NFKB1: variants seen among roughly 807,000 people sequenced by gnomAD.
NFKB1 encodes the protein nuclear factor kappa B subunit 1, also known as nuclear factor NF-kappa-B p105 subunit.
In NFKB1, 9 loss-of-function variants were observed where a neutral mutation model predicts 105.1. That is an observed-to-expected ratio of 0.09 (90% confidence interval 0.05 to 0.15). The LOEUF is 0.15. Among genes scored for constraint, NFKB1 ranks in the 10% least tolerant of loss-of-function variants. The pLI is 1.00. For missense variants in NFKB1, 830 were observed against 1,203.7 expected, an observed-to-expected ratio of 0.69 and a Z score of 4.59; for synonymous variants, 440 against 442.2, an observed-to-expected ratio of 1.00 and a Z score of 0.06.
chr4:102,609,655 C>T (rs901429450), intron 19 of NFKB1, among the ~76,000 whole-genome samples: 1 of 146,298 alleles, frequency 6.8e-6, no homozygotes, highest in African/African-American at 2.5e-5. Context: ...AGAGATAGCT[C>T]ATCCCTCCAC....
chr4:102,607,518 C>T lies in NFKB1; in HGVS notation c.2125-131C>T, dbSNP rs866577724. On this transcript the variant is annotated intron_variant, in intron 18 of 23. Coordinates refer to ENST00000226574, the MANE Select transcript of NFKB1 (RefSeq NM_003998.4). ...TGGCATCTCTAACTGGGGATTTCTT[C>T]AATGACAGAGCCAGCCCAAAGTAGC... 15 of 1,162,250 alleles carry T rather than the reference C, an allele frequency of 1.3e-5. No homozygotes were observed. The East Asian group carries it at 3.1e-4, about 24-fold the overall frequency. 72.0% of individuals were successfully genotyped at this position (1,162,250 alleles called of 1,614,324 possible).
intron 5 of NFKB1, among the ~76,000 whole-genome samples, chr4:102,540,222 A>T (rs1741913228): frequency 6.6e-6 from 1 of 152,198 alleles, no homozygotes; most frequent in African/African-American, 2.4e-5. Flanking sequence ...TTTGTGACTA[A>T]GTAACAATTC....
At chr4:102,540,898 A>T (rs113179669) in intron 5 of NFKB1, among the ~76,000 whole-genome samples, 2,799 of 152,258 alleles carry the variant, frequency 0.018, 49 homozygotes, top group Non-Finnish European at 0.032. Context: ...ATGTTTAAGC[A>T]GAGGAAAAAA....
At chr4:102,548,952 T>G (rs145186010) in intron 5 of NFKB1, among the ~76,000 whole-genome samples, 221 of 152,266 alleles carry the variant, frequency 1.5e-3, no homozygotes, top group African/African-American at 5.1e-3. Context: ...TCTGAGGCTC[T>G]GGGTAGATGT....
At chr4:102,503,537 T>A (rs555760938) in intron 1 of NFKB1, 1 of 152,290 alleles carries the variant, frequency 6.6e-6, no homozygotes, top group Admixed American at 6.5e-5. Flanking sequence ...AAATCTATTA[T>A]CTTTTTGCTG....
At chr4:102,592,108 C>T (rs764142768) in intron 11 of NFKB1, among the ~76,000 whole-genome samples, 37 of 152,296 alleles carry the variant, frequency 2.4e-4, no homozygotes, top group Non-Finnish European at 5.0e-4. Flanking sequence ...AACTGCTGCT[C>T]ATGATTTAAC....
intron 8 of NFKB1, 35 bp downstream of exon 8, chr4:102,579,074 G>GAAT: frequency 3.1e-6 from 5 of 1,597,480 alleles, no homozygotes; most frequent in Non-Finnish European, 4.3e-6. Context: ...GGCACACCAA[G>GAAT]AATAGACTTC....
chr4:102,613,708 C>T lies in NFKB1; in HGVS notation c.2749+127C>T. On this transcript the variant is annotated intron_variant, in intron 23 of 23. Coordinates refer to ENST00000226574, the MANE Select transcript of NFKB1 (RefSeq NM_003998.4). ...TCTGGATACACTTCCCTGTGTGTCTCTCTACCCCCTGGGCTCACCCTCTGC... is the reference window on the plus strand; with the variant it reads ...TCTGGATACACTTCCCTGTGTGTCTTTCTACCCCCTGGGCTCACCCTCTGC... The T allele has an allele frequency of 3.6e-6, 4 of 1,117,932 alleles. No homozygotes were observed. The South Asian group carries it at 4.9e-5, about 14-fold the overall frequency. The allele number at this position is 1,117,932 out of a possible 1,614,324, so 69.3% of individuals were successfully genotyped here. A position where few individuals can be genotyped will look rare whatever the true frequency, so the allele number is the denominator to read the frequency against.
chr4:102,527,316 C>T lies in NFKB1; in HGVS notation c.39+1759C>T, dbSNP rs557229236. Among the ~76,000 whole-genome samples the T allele has an allele frequency of 3.9e-5, 6 of 152,222 alleles. No homozygotes were observed. The East Asian group carries it at 5.8e-4, about 15-fold the overall frequency. On this transcript the variant is annotated intron_variant, in intron 2 of 23. Coordinates refer to ENST00000226574, the MANE Select transcript of NFKB1 (RefSeq NM_003998.4). ...AAGAGCAGAGTTACGGAGGACTTTCCGAAGGAAGTCTTCGTAAGCTGTGTT... is the reference window on the plus strand; with the variant it reads ...AAGAGCAGAGTTACGGAGGACTTTCTGAAGGAAGTCTTCGTAAGCTGTGTT...
intron 5 of NFKB1, among the ~76,000 whole-genome samples, chr4:102,538,894 T>G (rs1451724550): frequency 6.6e-6 from 1 of 152,112 alleles, no homozygotes; most frequent in Admixed American, 6.6e-5. Context: ...ATTGGTTTGT[T>G]TTTGTAAGTA....
At chr4:102,502,331 GGCTC>G (rs959015590) in intron 1 of NFKB1, among the ~76,000 whole-genome samples, 1 of 148,754 alleles carries the variant, frequency 6.7e-6, no homozygotes. Context: ...AAAGAAACCT[GGCTC>G]GCTCTCTGTC....
chr4:102,525,473 TA>T (rs1740850721), intron 1 of NFKB1, 38 bp from the exon 2 acceptor site: 12 of 1,598,892 alleles, frequency 7.5e-6, no homozygotes, highest in Non-Finnish European at 1.0e-5. Flanking sequence ...AAGTTCATTC[TA>T]GTGTTACAGT....
rs77444092 is a variant in NFKB1, at chr4:102,596,688, G to A, written c.1495+356G>A. Reference sequence around the variant, plus strand: ...ACCCTGTCTAGATTCTGGCTTAACCGTCATACTGAAATAGAACTTTGCCTT... The same window carrying A: ...ACCCTGTCTAGATTCTGGCTTAACCATCATACTGAAATAGAACTTTGCCTT... On this transcript the variant is annotated intron_variant, in intron 14 of 23. Transcript: ENST00000226574. 8.5e-3 allele frequency among the ~76,000 whole-genome samples: 1,295 copies of A among 152,126 alleles called. 13 individuals are homozygous for A. The highest frequency in any genetic ancestry group is 0.029 in the African/African-American group (1,212 of 41,486).
intron 7 of NFKB1, 117 bp downstream of exon 7, chr4:102,577,156 T>C (rs1724893673): frequency 1.3e-5 from 14 of 1,049,176 alleles, no homozygotes; most frequent in Non-Finnish European, 1.9e-5. Flanking sequence ...TGCTGTCACC[T>C]TTTCCTTGCT....
intron 18 of NFKB1, 119 bp from the exon 19 acceptor site, chr4:102,607,530 C>G: frequency 5.0e-6 from 6 of 1,203,306 alleles, no homozygotes; most frequent in Non-Finnish European, 7.3e-6. Context: ...ATGACAGAGC[C>G]AGCCCAAAGT....
chr4:102,586,592 A>G (rs1301716811), intron 11 of NFKB1, among the ~76,000 whole-genome samples: 1 of 152,224 alleles, frequency 6.6e-6, no homozygotes, highest in Non-Finnish European at 1.5e-5. Flanking sequence ...GTCTGTGGAT[A>G]GAAATGTACT....
At chr4:102,587,497 A>G (rs551930128) in intron 11 of NFKB1, among the ~76,000 whole-genome samples, 96 of 152,068 alleles carry the variant, frequency 6.3e-4, no homozygotes, top group East Asian at 1.2e-3. Context: ...AGTGGTATCT[A>G]TGCCTCAGAA....
Position 102,517,502 on chromosome 4 carries a change from C to G in NFKB1, c.-7-8010C>G, listed in dbSNP as rs1028756955. Among the ~76,000 whole-genome samples the G allele has an allele frequency of 4.6e-5, 7 of 152,184 alleles. No homozygotes were observed. The South Asian group carries it at 6.2e-4, about 14-fold the overall frequency. On this transcript the variant is annotated intron_variant, in intron 1 of 23. Transcript: ENST00000226574. ...AAAAAAACCAGTGTTTTCCAATTTG[C>G]CAATACAAAAAAGCAAAACTCCCAT...
chr4:102,509,959 C>T (rs1036750357), intron 1 of NFKB1, among the ~76,000 whole-genome samples: 5 of 152,190 alleles, frequency 3.3e-5, no homozygotes, highest in African/African-American at 1.2e-4. Flanking sequence ...GCACACCTCA[C>T]CCCCTTACTC....
Sources: gnomAD v4.1 joint callset for allele counts (sites outside exome capture counted in the v4.1 genomes callset) on GRCh38, gnomAD v4.1.1 for gene constraint, MANE v1.5 for transcripts, NCBI Gene and HGNC (gene_info 2026-07-23, HGNC 2026-07-21) for gene names.